Variants in BMP2K observed in about 807,000 individuals in gnomAD.
BMP2K encodes the protein BMP-2-inducible protein kinase.
In BMP2K, 74 loss-of-function variants were observed where a neutral mutation model predicts 116.0. The ratio of observed to expected loss-of-function variants is 0.64; its 90% CI spans 0.53 to 0.77. BMP2K has a LOEUF of 0.77. Among genes scored for constraint, BMP2K ranks in the 30% least tolerant of loss-of-function variants. The probability of loss-of-function intolerance (pLI) is 0.00; values close to 1 mark genes in which losing one functional copy is unlikely to be tolerated. For missense variants in BMP2K, 1,365 were observed against 1,403.6 expected (o/e 0.97, Z 0.44); for synonymous variants, 486 against 502.5 (o/e 0.97, Z 0.44).
chr4:78,869,183 G>T (rs150277185), intron 10 of BMP2K, among the ~76,000 whole-genome samples: 7,365 of 152,186 alleles, frequency 0.048, 565 homozygotes, highest in African/African-American at 0.17. Context: ...CTCAGTTCTT[G>T]ACTTCTGTGC....
At chr4:78,910,494 C>A in intron 15 of BMP2K, 116 bp from the exon 16 acceptor site, 1 of 868,654 alleles carries the variant, frequency 1.2e-6, no homozygotes, top group Non-Finnish European at 1.7e-6. Context: ...ATTTTTTCCT[C>A]TAAGGGAACT....
At position 78,865,598 on chromosome 4, in the gene BMP2K, C is replaced by G. The variant is rs1387405472; in HGVS notation, c.1109C>G (p.Pro370Arg). 12 of 1,613,880 alleles carry G rather than the reference C, an allele frequency of 7.4e-6. No homozygotes were observed. In the East Asian group the frequency reaches 2.7e-4, roughly 36 times the overall value. The change falls in exon 10 of 16, where the codon CCA (proline) becomes CGA (arginine). Residue 370 changes from proline (P) to arginine (R), a missense_variant. Physicochemically the swap from Pro to Arg is moderately radical, Grantham distance 103. Transcript: ENST00000502613. ...TIGPTETSIA[P>R]RQRPKANSAT... is the part of the protein sequence containing the mutation. ...GGACCAACAGAAACCTCAATTGCACCAAGACAAAGACCAAAGGCCAACTCT... is the reference window on the plus strand; with the variant it reads ...GGACCAACAGAAACCTCAATTGCACGAAGACAAAGACCAAAGGCCAACTCT...
chr4:78,829,976 G>A (rs1730129753), intron 2 of BMP2K, among the ~76,000 whole-genome samples: 1 of 152,006 alleles, frequency 6.6e-6, no homozygotes, highest in Non-Finnish European at 1.5e-5. Context: ...CTGGGTTCAA[G>A]TGATTCTAAT....
intron 15 of BMP2K, among the ~76,000 whole-genome samples, chr4:78,896,665 ACAAATGAAT>A (rs1733720696): frequency 6.6e-6 from 1 of 152,210 alleles, no homozygotes; most frequent in Admixed American, 6.5e-5. Context: ...CTTGATTTTT[ACAAATGAAT>A]TATCTTTTTA....
At chr4:78,857,160 AT>A (rs1468876352) in intron 7 of BMP2K, among the ~76,000 whole-genome samples, 1 of 152,112 alleles carries the variant, frequency 6.6e-6, no homozygotes, top group Non-Finnish European at 1.5e-5. Context: ...TATTGCTTAC[AT>A]TTACCATATT....
intron 1 of BMP2K, among the ~76,000 whole-genome samples, chr4:78,818,857 T>A (rs1729484025): frequency 6.6e-6 from 1 of 150,406 alleles, no homozygotes. Flanking sequence ...AGTGCAGTGG[T>A]ATGATGTCAG....
rs182650642 is a variant in BMP2K, at chr4:78,854,104, A to G, written c.883+3048A>G. Among the ~76,000 whole-genome samples the G allele has an allele frequency of 2.6e-3, 387 of 149,402 alleles. 1 individual carries two copies. Among genetic ancestry groups the G allele is most frequent in the Non-Finnish European group, 4.4e-3 (298 of 67,568 alleles). ...TATACTGTTAAATATAACTACTAAG[A>G]TTATTTTTCTTACCTCCTTATTTTG... On this transcript the variant is annotated intron_variant, in intron 7 of 15. Transcript: ENST00000502613.
At chr4:78,814,058 G>A (rs925672153) in intron 1 of BMP2K, among the ~76,000 whole-genome samples, 12 of 152,178 alleles carry the variant, frequency 7.9e-5, no homozygotes, top group Admixed American at 6.5e-4. Context: ...ATGAGTCTAG[G>A]GGAGTGTGAA....
chr4:78,835,332 A>G (rs1730418250), intron 3 of BMP2K, among the ~76,000 whole-genome samples: 1 of 152,096 alleles, frequency 6.6e-6, no homozygotes, highest in African/African-American at 2.4e-5. Context: ...TGGTTTAAAA[A>G]GTCAAATAGT....
In BMP2K at chr4:78,826,032, T is replaced by C. The variant is rs768973610; in HGVS notation, c.179-5T>C. On this transcript the variant is annotated splice_region_variant and splice_polypyrimidine_tract_variant and intron_variant, in intron 1 of 15. Transcript: ENST00000502613. ...TTTAAATTAATTGGTGCTTTGTTTTTCTAGGTGGATTCTCCACAGTTTTCC... is the reference window on the plus strand; with the variant it reads ...TTTAAATTAATTGGTGCTTTGTTTTCCTAGGTGGATTCTCCACAGTTTTCC... The C allele has an allele frequency of 6.2e-7, 1 of 1,603,306 alleles. No homozygotes were observed. The highest frequency in any genetic ancestry group is 1.3e-5 in the African/African-American group (1 of 74,446).
At chr4:78,882,303 G>C (rs934643911) in intron 14 of BMP2K, among the ~76,000 whole-genome samples, 1 of 151,522 alleles carries the variant, frequency 6.6e-6, no homozygotes, top group Non-Finnish European at 1.5e-5. Flanking sequence ...AAATAAACTA[G>C]ATTCTTCTTG....
intron 1 of BMP2K, among the ~76,000 whole-genome samples, chr4:78,822,620 C>T (rs1217336920): frequency 2.6e-5 from 4 of 152,038 alleles, no homozygotes; most frequent in African/African-American, 7.2e-5. Context: ...CTTTATAATA[C>T]TCTCATAATT....
chr4:78,850,328 CT>C (rs1211442415), intron 6 of BMP2K, among the ~76,000 whole-genome samples: 1 of 151,708 alleles, frequency 6.6e-6, no homozygotes, highest in East Asian at 1.9e-4. Flanking sequence ...GAGCCTTTCC[CT>C]TTTGAATTTT....
chr4:78,826,569 T>C (rs1430744375), intron 2 of BMP2K, among the ~76,000 whole-genome samples: 1 of 152,148 alleles, frequency 6.6e-6, no homozygotes, highest in Non-Finnish European at 1.5e-5. Context: ...TCTTTGAAGA[T>C]CATTAAATTA....
Position 78,878,670 on chromosome 4 carries a change from TA to T in BMP2K, c.1794-61del, listed in dbSNP as rs1732750768. On this transcript the variant is annotated intron_variant, in intron 13 of 15. Coordinates refer to ENST00000502613, the MANE Select transcript of BMP2K (RefSeq NM_198892.2). The stretch of plus-strand genomic sequence containing the variant: ...TTATAAAGTATAAAGTAGGGCATTG[TA>T]AATTTTTATTTATTTTAATTTTTCT... The T allele has an allele frequency of 6.0e-6, 8 of 1,334,128 alleles. No individual in the cohort carries two copies. In the East Asian group the frequency reaches 1.3e-4, roughly 21 times the overall value. 82.6% of individuals were successfully genotyped at this position (1,334,128 alleles called of 1,614,324 possible).
chr4:78,825,484 G>T (rs527632035), intron 1 of BMP2K, among the ~76,000 whole-genome samples: 1 of 152,288 alleles, frequency 6.6e-6, no homozygotes, highest in East Asian at 1.9e-4. Flanking sequence ...ATCATTCCCT[G>T]CAACTCGGGC....
chr4:78,907,949 C>T (rs13133734), intron 15 of BMP2K, among the ~76,000 whole-genome samples: 3,245 of 152,178 alleles, frequency 0.021, 47 homozygotes, highest in Non-Finnish European at 0.032. Flanking sequence ...CTTCTGGAAC[C>T]GTACATATTT....
At position 78,833,978 on chromosome 4, in the gene BMP2K, TG is replaced by T. The variant is rs373964589; in HGVS notation, c.403+292del. 8.5e-5 allele frequency among the ~76,000 whole-genome samples: 13 copies of T among 152,346 alleles called. No homozygotes were observed. In the East Asian group the frequency reaches 1.9e-3, roughly 23 times the overall value. On this transcript the variant is annotated intron_variant, in intron 3 of 15. Transcript: ENST00000502613. ...GTTCTTGCTCTCCATAGAATTCTTC[TG>T]TAATCCAACCAAGAAGAGGATAATA...
chr4:78,897,652 AT>A (rs1733773305), intron 15 of BMP2K, among the ~76,000 whole-genome samples: 1 of 152,078 alleles, frequency 6.6e-6, no homozygotes, highest in Non-Finnish European at 1.5e-5. Context: ...TTTTCATAGC[AT>A]TTTTTATAGC....
Sources: gnomAD v4.1 joint callset for allele counts (sites outside exome capture counted in the v4.1 genomes callset) on GRCh38, gnomAD v4.1.1 for gene constraint, MANE v1.5 for transcripts, NCBI Gene and HGNC (gene_info 2026-07-23, HGNC 2026-07-21) for gene names.